The following TMEM248 variants were observed in gnomAD, a reference collection of about 807,000 sequenced individuals.
The protein encoded by TMEM248 is UPF0458 protein C7orf42.
TMEM248 carries 9 observed loss-of-function variants against 30.3 expected under a neutral mutation model. The observed-to-expected ratio is 0.30, with a 90% CI of 0.18 to 0.52. The LOEUF (loss-of-function observed/expected upper bound fraction) is 0.52. Among genes scored for constraint, TMEM248 ranks in the 20% least tolerant of loss-of-function variants. The pLI is 0.97. For missense variants in TMEM248, 338 were observed against 403.3 expected (o/e 0.84, Z 1.39); for synonymous variants, 184 against 154.4 (o/e 1.19, Z -1.42).
chr7:66,930,324 A>G (rs1791632121), intron 1 of TMEM248, among the ~76,000 whole-genome samples: 1 of 152,208 alleles, frequency 6.6e-6, no homozygotes, highest in Non-Finnish European at 1.5e-5. Flanking sequence ...GTAGGTACAT[A>G]AAATGGGATT....
chr7:66,934,761 A>G (rs2129222331), intron 1 of TMEM248, among the ~76,000 whole-genome samples: 1 of 152,224 alleles, frequency 6.6e-6, no homozygotes, highest in Admixed American at 6.6e-5. Context: ...ATATAAGGCT[A>G]AGGTTTTGGG....
At chr7:66,927,805 A>G (rs17138017) in intron 1 of TMEM248, among the ~76,000 whole-genome samples, 23,607 of 151,988 alleles carry the variant, frequency 0.16, 2,207 homozygotes, top group East Asian at 0.29. Flanking sequence ...TCTGTTCTAC[A>G]CTGTGAATTG....
intron 5 of TMEM248, 131 bp downstream of exon 5, chr7:66,951,266 C>A: frequency 1.2e-6 from 1 of 845,392 alleles, no homozygotes; most frequent in Non-Finnish European, 1.7e-6. Context: ...TTTAGATTTC[C>A]AGGTGAGTTA....
intron 1 of TMEM248, among the ~76,000 whole-genome samples, chr7:66,934,244 A>G (rs1791744912): frequency 6.6e-6 from 1 of 152,002 alleles, no homozygotes; most frequent in South Asian, 2.1e-4. Context: ...CTTGTTGCCC[A>G]GGCTGGAGTG....
At chr7:66,934,789 C>T (rs1364116692) in intron 1 of TMEM248, among the ~76,000 whole-genome samples, 1 of 152,148 alleles carries the variant, frequency 6.6e-6, no homozygotes, top group East Asian at 1.9e-4. Context: ...TGGTGGTTCA[C>T]ACCTATAATC....
intron 4 of TMEM248, 61 bp from the exon 5 acceptor site, chr7:66,950,891 G>A (rs535073442): frequency 3.8e-5 from 52 of 1,382,508 alleles, no homozygotes; most frequent in Non-Finnish European, 4.3e-5. Context: ...CTGTGGGGGT[G>A]ACACAAGTGA....
Position 66,950,937 on chromosome 7 carries a change from C to G in TMEM248, c.597-15C>G. ...CCACTGAGCACGTGTCTTTCCTCCT[C>G]CTCTTCTCCTGCAGACAGCCACCGC... On this transcript the variant is annotated splice_polypyrimidine_tract_variant and intron_variant, in intron 4 of 6. Transcript: ENST00000341567. 2 of 1,542,952 alleles carry G rather than the reference C, an allele frequency of 1.3e-6. No homozygotes were observed. The highest frequency in any genetic ancestry group is 8.7e-7 in the Non-Finnish European group (1 of 1,143,962).
chr7:66,925,701 T>C (rs73144000), intron 1 of TMEM248, among the ~76,000 whole-genome samples: 18 of 95,512 alleles, frequency 1.9e-4, no homozygotes, highest in African/African-American at 3.8e-4. Context: ...TTTCTTTTTT[T>C]TTTTTTTGGA....
At chr7:66,934,625 T>A (rs1791754520) in intron 1 of TMEM248, among the ~76,000 whole-genome samples, 1 of 152,234 alleles carries the variant, frequency 6.6e-6, no homozygotes, top group African/African-American at 2.4e-5. Context: ...GTTTAAATTC[T>A]GGTGTGATGT....
chr7:66,935,546 T>G (rs1310558830), intron 1 of TMEM248, among the ~76,000 whole-genome samples: 2 of 151,526 alleles, frequency 1.3e-5, no homozygotes, highest in African/African-American at 4.9e-5. Context: ...ATGTAAATAG[T>G]TTTTATACTT....
intron 1 of TMEM248, chr7:66,930,957 T>TC (rs1342652413): frequency 3.3e-5 from 5 of 152,614 alleles, no homozygotes; most frequent in Non-Finnish European, 5.9e-5. Context: ...CATCCTCTCT[T>TC]CCTCAACTTT....
chr7:66,921,808 T>A (rs1791392105), intron 1 of TMEM248: 1 of 152,304 alleles, frequency 6.6e-6, no homozygotes, highest in Admixed American at 6.5e-5. Context: ...GGGGAGTGTT[T>A]GCGTTTCTTC....
At position 66,956,186 on chromosome 7, in the gene TMEM248, G is replaced by C. The variant is rs1792399189; in HGVS notation, c.*664G>C. On this transcript the variant is annotated 3_prime_UTR_variant, in exon 7 of 7. Coordinates refer to ENST00000341567, the MANE Select transcript of TMEM248 (RefSeq NM_017994.5). ...TAGGACAGACTTGTGCTTTTATCCT[G>C]ACTAAAAAGTTAAATATTTAAGTCA... The C allele has an allele frequency of 6.6e-6, 1 of 151,928 alleles. No individual in the cohort carries two copies. The allele number at this position is 151,928 out of a possible 1,614,324, so 9.4% of individuals were successfully genotyped here.
chr7:66,934,935 A>G (rs891925479), intron 1 of TMEM248, among the ~76,000 whole-genome samples: 4 of 151,982 alleles, frequency 2.6e-5, no homozygotes, highest in African/African-American at 9.7e-5. Flanking sequence ...TGCACCTGTA[A>G]TCTCAGCTAC....
chr7:66,951,110 C>A lies in TMEM248; in HGVS notation c.755C>A (p.Pro252His). 1 of 1,598,152 alleles carries A rather than the reference C, an allele frequency of 6.3e-7. No individual in the cohort carries two copies. The highest frequency in any genetic ancestry group is 1.1e-5 in the South Asian group (1 of 88,374). The change falls in exon 5 of 7, where the codon CCC (proline) becomes CAC (histidine). Residue 252 changes from proline to histidine, a missense_variant. By Grantham distance (77) the Pro-to-His change is moderately conservative. Transcript: ENST00000341567. ...GGAAAAGTCTATCATGCTTTAAATC[C>A]CAAGCTTACAGTGATTGTTCCAGAT... ...AIGKVYHALN[P>H]KLTVIVPDDD...
Position 66,941,828 on chromosome 7 carries a change from T to G in TMEM248, c.-18-20T>G, listed in dbSNP as rs766125201. On this transcript the variant is annotated intron_variant, in intron 1 of 6. Transcript: ENST00000341567. ...CTGTTGGCAAGTCAGTCCTTGAAGC[T>G]TCTGATTCATTTCTTTCAGGTGGAG... 1.3e-6 allele frequency: 2 copies of G among 1,583,434 alleles called. No individual in the cohort carries two copies. Among genetic ancestry groups the G allele is most frequent in the Non-Finnish European group, 1.7e-6 (2 of 1,160,914 alleles).
At chr7:66,955,290 C>T (rs1039286357) in intron 6 of TMEM248, among the ~76,000 whole-genome samples, 6 of 152,212 alleles carry the variant, frequency 3.9e-5, no homozygotes, top group African/African-American at 1.4e-4. Flanking sequence ...TTAATTCTGT[C>T]TCCGCACAGT....
intron 4 of TMEM248, among the ~76,000 whole-genome samples, chr7:66,949,092 G>A (rs1792190653): frequency 6.6e-6 from 1 of 151,218 alleles, no homozygotes; most frequent in Admixed American, 6.6e-5. Flanking sequence ...CTTGAGCCCC[G>A]GAGTTCAAGA....
chr7:66,944,127 CAG>C (rs1236863483), intron 2 of TMEM248, among the ~76,000 whole-genome samples: 3 of 108,454 alleles, frequency 2.8e-5, no homozygotes, highest in Admixed American at 2.3e-4. Flanking sequence ...TTTTTTGAGA[CAG>C]AGTCTCACTG....
Sources: allele counts gnomAD v4.1 joint callset (sites outside exome capture counted in the v4.1 genomes callset), GRCh38; gene constraint gnomAD v4.1.1; transcripts MANE v1.5; gene names NCBI Gene and HGNC (gene_info 2026-07-23, HGNC 2026-07-21).